Variants in ZNF793 observed in about 807,000 individuals in gnomAD.
ZNF793 encodes the protein zinc finger protein 793.
Under a neutral mutation model 12.4 loss-of-function variants are expected in ZNF793, and 5 were observed. The observed-to-expected ratio is 0.40, with a 90% confidence interval of 0.21 to 0.84. ZNF793 has a LOEUF of 0.84. Ranked by LOEUF, ZNF793 falls within the 40% of genes least tolerant of loss-of-function variation. The pLI, the probability that ZNF793 is intolerant of heterozygous loss-of-function variation, is 0.35. For missense variants in ZNF793, 456 were observed against 495.0 expected (o/e 0.92, Z 0.75); for synonymous variants, 162 against 172.4 (o/e 0.94, Z 0.47).
intron 2 of ZNF793, among the ~76,000 whole-genome samples, chr19:37,515,749 T>G (rs2042327178): frequency 6.6e-6 from 1 of 152,154 alleles, no homozygotes; most frequent in African/African-American, 2.4e-5. Context: ...AACATTGCAT[T>G]TTGAGATGTA....
At chr19:37,512,885 G>A (rs1211038753) in intron 2 of ZNF793, among the ~76,000 whole-genome samples, 1 of 151,998 alleles carries the variant, frequency 6.6e-6, no homozygotes, top group Non-Finnish European at 1.5e-5. Context: ...GTATTTAGTT[G>A]TCATATCTCT....
At chr19:37,521,115 A>G (rs2042371950) in intron 3 of ZNF793, among the ~76,000 whole-genome samples, 1 of 151,480 alleles carries the variant, frequency 6.6e-6, no homozygotes, top group Non-Finnish European at 1.5e-5. Context: ...AGCCTCCCAA[A>G]TAGCTGGGAC....
At position 37,537,178 on chromosome 19, in the gene ZNF793, C is replaced by T. The variant is rs746379157; in HGVS notation, c.520C>T (p.Gln174Ter). 6.2e-7 allele frequency: 1 copy of T among 1,613,598 alleles called. No homozygotes were observed. The highest frequency in any genetic ancestry group is 8.5e-7 in the Non-Finnish European group (1 of 1,179,660). Residue 174 changes from glutamine (Q) to a stop codon, truncating the protein, a stop_gained, in exon 8 of 8, where the codon CAG becomes TAG. Coordinates refer to ENST00000627814, the MANE Select transcript of ZNF793 (RefSeq NM_001013659.3). LOFTEE classifies it low-confidence loss of function (END_TRUNC). Reference sequence around the variant, plus strand: ...GTGTTATGCTTATGGGAAATTGCTTCAGCGTATAAATCATGGTAGACGACC... The same window carrying T: ...GTGTTATGCTTATGGGAAATTGCTTTAGCGTATAAATCATGGTAGACGACC... ...DECYAYGKLL[Q>*]RINHGRRPNG...
chr19:37,517,635 G>A (rs3764662), intron 2 of ZNF793, among the ~76,000 whole-genome samples: 2 of 152,192 alleles, frequency 1.3e-5, no homozygotes, highest in Non-Finnish European at 2.9e-5. Flanking sequence ...CAGGCACTAC[G>A]TCTTTATGTA....
rs2042514898 is a variant in ZNF793 at position 37,537,352 on chromosome 19, T to G, written c.694T>G (p.Cys232Gly). ...AGAAAAACCCCACGTCTGTAGTGAG[T>G]GTGGGAAAGCCTTCTGCTACAAGTC... ...PTEKPHVCSECGKAFCYKSEF... is the reference protein window; with the variant it reads ...PTEKPHVCSEGGKAFCYKSEF... The change falls in exon 8 of 8, where the codon TGT becomes GGT. Residue 232 changes from cysteine to glycine, a missense_variant. Coordinates refer to ENST00000627814, the MANE Select transcript of ZNF793 (RefSeq NM_001013659.3). The G allele has an allele frequency of 1.2e-6, 2 of 1,613,056 alleles. No homozygotes were observed. The highest frequency in any genetic ancestry group is 1.3e-5 in the African/African-American group (1 of 74,886).
At chr19:37,532,120 T>G (rs1478664062) in intron 5 of ZNF793, among the ~76,000 whole-genome samples, 1 of 151,760 alleles carries the variant, frequency 6.6e-6, no homozygotes, top group Non-Finnish European at 1.5e-5. Context: ...TTCAAGTGAT[T>G]CTCCCACCTC....
In ZNF793 at chr19:37,542,522, TA is replaced by T; in HGVS notation, c.*4648del. ...AACATGTGAACATGGACATTTATTG[TA>T]AAAATTGTTCTTAATGGCAAAAAAA... On this transcript the variant is annotated 3_prime_UTR_variant, in exon 8 of 8. Coordinates refer to ENST00000627814, the MANE Select transcript of ZNF793 (RefSeq NM_001013659.3). 1 of 359,480 alleles carries T rather than the reference TA, an allele frequency of 2.8e-6. No individual in the cohort carries two copies. The highest frequency in any genetic ancestry group is 2.2e-5 in the South Asian group (1 of 45,856). The allele number at this position is 359,480 out of a possible 1,614,324, so 22.3% of individuals were successfully genotyped here. A position where few individuals can be genotyped will look rare whatever the true frequency, so the allele number is the denominator to read the frequency against.
At chr19:37,506,626 GCCA>G (rs2042251154), upstream of ZNF793, 1 of 152,214 alleles carries the variant, frequency 6.6e-6, no homozygotes, top group African/African-American at 2.4e-5. Context: ...ATGTCTGGGC[GCCA>G]CCATGTTGGC....
chr19:37,506,443 C>T (rs1336003705), upstream of ZNF793: 3 of 152,326 alleles, frequency 2.0e-5, no homozygotes, highest in African/African-American at 7.2e-5. Flanking sequence ...GTCTCTGTCT[C>T]CCTAAGAGCG....
intron 2 of ZNF793, among the ~76,000 whole-genome samples, chr19:37,515,435 G>A (rs2042324013): frequency 1.3e-5 from 2 of 151,892 alleles, no homozygotes; most frequent in Admixed American, 1.3e-4. Flanking sequence ...AGCCTCCCAA[G>A]TAGCTAGGAC....
intron 6 of ZNF793, 32 bp from the exon 7 acceptor site, chr19:37,533,275 AG>A: frequency 6.2e-7 from 1 of 1,603,714 alleles, no homozygotes; most frequent in Non-Finnish European, 8.5e-7. Flanking sequence ...CAAGGAGCTC[AG>A]CCCAAGACCT....
chr19:37,537,721 A>C lies in ZNF793; in HGVS notation c.1063A>C (p.Asn355His). 1 of 1,614,106 alleles carries C rather than the reference A, an allele frequency of 6.2e-7. No individual in the cohort carries two copies. Among genetic ancestry groups the C allele is most frequent in the Non-Finnish European group, 8.5e-7 (1 of 1,179,972 alleles). ...GKSFSQKSCL[N>H]KHWRTHTGEK... The stretch of plus-strand genomic sequence containing the variant: ...ATCCTTCAGCCAGAAGTCATGCCTC[A>C]ATAAACATTGGAGAACTCACACAGG... The change falls in exon 8 of 8, where the codon AAT becomes CAT. Residue 355 changes from asparagine to histidine, a missense_variant. Transcript: ENST00000627814.
rs1207044398 is a variant in ZNF793 at position 37,542,446 on chromosome 19, T to A, written c.*4567T>A. 1 of 414,906 alleles carries A rather than the reference T, an allele frequency of 2.4e-6. No homozygotes were observed. The highest frequency in any genetic ancestry group is 2.1e-5 in the African/African-American group (1 of 48,572). The allele number at this position is 414,906 out of a possible 1,614,324, so 25.7% of individuals were successfully genotyped here. On this transcript the variant is annotated 3_prime_UTR_variant, in exon 8 of 8. Transcript: ENST00000627814. ...ATATTATTAAAATATTTATGTCACT[T>A]TGGAGAATCTTCCCTTAGAAGTAAA...
rs1262736000 is a variant in ZNF793, at chr19:37,540,703, T to C, written c.*2824T>C. ...GTATAAACAGCAGAAAAGGTAAAAC[T>C]ATCCATTTTTACTGATGATATGGTT... On this transcript the variant is annotated 3_prime_UTR_variant, in exon 8 of 8. Coordinates refer to ENST00000627814, the MANE Select transcript of ZNF793 (RefSeq NM_001013659.3). 3 of 151,892 alleles carry C rather than the reference T, an allele frequency of 2.0e-5. No homozygotes were observed. The highest frequency in any genetic ancestry group is 7.2e-5 in the African/African-American group (3 of 41,382). 9.4% of individuals were successfully genotyped at this position (151,892 alleles called of 1,614,324 possible).
intron 5 of ZNF793, 112 bp downstream of exon 5, chr19:37,523,566 A>G (rs2042391202): frequency 3.9e-6 from 4 of 1,021,876 alleles, no homozygotes; most frequent in Non-Finnish European, 6.0e-6. Flanking sequence ...CTGGGTTCTC[A>G]GGGAAGCTGA....
intron 2 of ZNF793, among the ~76,000 whole-genome samples, chr19:37,519,689 AG>A (rs1299453925): frequency 2.6e-5 from 4 of 152,254 alleles, no homozygotes; most frequent in Admixed American, 1.3e-4. Flanking sequence ...TGTTTACAAA[AG>A]AAATGCAAAT....
intron 3 of ZNF793, among the ~76,000 whole-genome samples, chr19:37,520,626 G>A (rs1216162331): frequency 1.3e-5 from 2 of 152,188 alleles, no homozygotes; most frequent in African/African-American, 4.8e-5. Flanking sequence ...CTCATGGCGG[G>A]TGCGATAGGC....
At chr19:37,523,347 A>G in intron 4 of ZNF793, 63 bp from the exon 5 acceptor site, 1 of 1,318,568 alleles carries the variant, frequency 7.6e-7, no homozygotes, top group Non-Finnish European at 1.1e-6. Context: ...AGACAGGCCT[A>G]GCTCTTTACA....
intron 2 of ZNF793, among the ~76,000 whole-genome samples, chr19:37,519,062 T>A (rs2147073060): frequency 6.6e-6 from 1 of 152,128 alleles, no homozygotes; most frequent in African/African-American, 2.4e-5. Flanking sequence ...GTCAGGAGAT[T>A]GAGACCATCC....
Sources: gnomAD v4.1 joint callset for allele counts (sites outside exome capture counted in the v4.1 genomes callset) on GRCh38, gnomAD v4.1.1 for gene constraint, MANE v1.5 for transcripts, NCBI Gene and HGNC (gene_info 2026-07-23, HGNC 2026-07-21) for gene names.